MYH14: variants seen among roughly 807,000 people sequenced by gnomAD.
MYH14 encodes myosin heavy chain 14, also known as myosin-14.
MYH14 carries 123 observed loss-of-function variants against 255.5 expected under a neutral mutation model. The ratio of observed to expected loss-of-function variants is 0.48; its 90% CI spans 0.42 to 0.56. MYH14 has a LOEUF of 0.56. Among genes scored for constraint, MYH14 ranks in the 20% least tolerant of loss-of-function variants. MYH14 has a pLI of 0.00. For missense variants in MYH14, 2,423 were observed against 2,802.3 expected, an observed-to-expected ratio of 0.86 and a Z score of 3.06; for synonymous variants, 1,095 against 1,161.2, an observed-to-expected ratio of 0.94 and a Z score of 1.16.
rs1367888720 is a variant in MYH14 at position 50,210,454 on chromosome 19, C to T, written c.89C>T (p.Thr30Met). 4 of 1,548,848 alleles carry T rather than the reference C, an allele frequency of 2.6e-6. No homozygotes were observed. Among genetic ancestry groups the T allele is most frequent in the East Asian group, 2.5e-5 (1 of 40,634 alleles). ...VPEAAQPFLFTPRGPSAGGGP... is the reference protein window; with the variant it reads ...VPEAAQPFLFMPRGPSAGGGP... Reference sequence around the variant, plus strand: ...GAGGCGGCCCAGCCGTTCCTGTTCACGCCCCGCGGGCCCAGCGCGGGTGGC... The same window carrying T: ...GAGGCGGCCCAGCCGTTCCTGTTCATGCCCCGCGGGCCCAGCGCGGGTGGC... Residue 30 changes from threonine to methionine, a missense_variant, in exon 2 of 43, where the codon ACG becomes ATG. By Grantham distance (81) the Thr-to-Met change is moderately conservative. Transcript: ENST00000642316.
chr19:50,274,370 C>G (rs1384116919), intron 27 of MYH14, among the ~76,000 whole-genome samples: 1 of 152,170 alleles, frequency 6.6e-6, no homozygotes, highest in Non-Finnish European at 1.5e-5. Context: ...TCTTGCCTCA[C>G]TACATCCTCC....
intron 16 of MYH14, among the ~76,000 whole-genome samples, chr19:50,253,697 T>G (rs1190198098): frequency 6.6e-6 from 1 of 152,158 alleles, no homozygotes; most frequent in East Asian, 1.9e-4. Flanking sequence ...TAGGCAGAGA[T>G]GCCAAATGCC....
chr19:50,226,863 G>T (rs368683684), intron 7 of MYH14, 40 bp from the exon 8 acceptor site: 30 of 1,605,556 alleles, frequency 1.9e-5, no homozygotes, highest in Non-Finnish European at 2.5e-5. Flanking sequence ...GTGGGGAAGG[G>T]GACCCTCTGC....
intron 11 of MYH14, 88 bp from the exon 12 acceptor site, chr19:50,246,916 A>C: frequency 1.1e-6 from 1 of 902,672 alleles, no homozygotes; most frequent in Non-Finnish European, 1.7e-6. Flanking sequence ...TGCTCCCCCA[A>C]CAGTGTGGGA....
At position 50,272,685 on chromosome 19, in the gene MYH14, G is replaced by A. The variant is rs1333136314; in HGVS notation, c.3421G>A (p.Ala1141Thr). The change falls in exon 27 of 43, where the codon GCC (alanine) becomes ACC (threonine). Residue 1141 changes from alanine to threonine, a missense_variant. Around this residue, in one of 3 missense-constraint regions of MYH14, gnomAD observed 1,513 missense variants for 1,674.8 expected, o/e 0.90. Coordinates refer to ENST00000642316, the MANE Select transcript of MYH14 (RefSeq NM_001145809.2). ...EQQQRAEELR[A>T]QLGRKEEELQ... Reference sequence around the variant, plus strand: ...GCAACAGCGGGCAGAGGAGCTGCGGGCCCAGCTGGGCCGGAAGGAGGAGGA... The same window carrying A: ...GCAACAGCGGGCAGAGGAGCTGCGGACCCAGCTGGGCCGGAAGGAGGAGGA... The A allele has an allele frequency of 1.9e-6, 3 of 1,552,662 alleles. No homozygotes were observed. In the South Asian group the frequency reaches 3.6e-5, roughly 18 times the overall value.
At chr19:50,285,060 C>T (rs1347931224) in intron 33 of MYH14, 2 of 151,608 alleles carry the variant, frequency 1.3e-5, no homozygotes, top group African/African-American at 2.4e-5. Flanking sequence ...CCACACCTGG[C>T]TAATTTTTGT....
chr19:50,233,361 G>A (rs559294962), intron 10 of MYH14, among the ~76,000 whole-genome samples: 1 of 152,104 alleles, frequency 6.6e-6, no homozygotes, highest in East Asian at 1.9e-4. Context: ...GTAGACATGG[G>A]GTTTCACCAT....
In MYH14 at chr19:50,266,980, T is replaced by G. The variant is rs1427661340; in HGVS notation, c.2798T>G (p.Val933Gly). The G allele has an allele frequency of 1.9e-6, 3 of 1,568,028 alleles. No homozygotes were observed. Among genetic ancestry groups the G allele is most frequent in the Non-Finnish European group, 1.7e-6 (2 of 1,157,090 alleles). The change falls in exon 23 of 43, where the codon GTT becomes GGT. Residue 933 changes from valine (V) to glycine (G), a missense_variant. Physicochemically the swap from Val to Gly is moderately radical, Grantham distance 109. Coordinates refer to ENST00000642316, the MANE Select transcript of MYH14 (RefSeq NM_001145809.2). The surrounding 1 kb of genome is among the most constrained non-coding windows in gnomAD (Gnocchi z 4.1). ...CTACAGCAGCAGAGCGCCCGCGAAG[T>G]TGGGGAGCTCCAGGGCCGAGTGGCA... is the stretch of plus-strand genomic sequence containing the variant. ...QELQQQSAREVGELQGRVAQL... is the reference protein window; with the variant it reads ...QELQQQSAREGGELQGRVAQL...
intron 41 of MYH14, 110 bp downstream of exon 41, chr19:50,307,267 G>C: frequency 1.5e-6 from 1 of 670,502 alleles, no homozygotes; most frequent in Admixed American, 2.3e-5. Flanking sequence ...GCAATGTGCA[G>C]GTGCTGGACT....
At position 50,309,064 on chromosome 19, in the gene MYH14, G is replaced by A; in HGVS notation, c.5847G>A (p.Glu1949=). The A allele has an allele frequency of 1.9e-6, 3 of 1,613,856 alleles. No individual in the cohort carries two copies. The South Asian group carries it at 3.3e-5, about 18-fold the overall frequency. The change falls in exon 42 of 43, where the codon GAG becomes GAA. Residue 1949 remains glutamate (E), a synonymous_variant. Coordinates refer to ENST00000642316, the MANE Select transcript of MYH14 (RefSeq NM_001145809.2). ...AGCGGCAGCTGGAGGAGGCCGAGGA[G>A]GAGGCATCCCGGGCTCAGGCCGGCC... The part of the protein sequence containing the change: ...QLKRQLEEAE[E]EASRAQAGRR...
chr19:50,289,722 G>A (rs1236082995), intron 35 of MYH14, 74 bp downstream of exon 35: 1 of 1,371,408 alleles, frequency 7.3e-7, no homozygotes, highest in Non-Finnish European at 1.0e-6. Flanking sequence ...CAGCAAGAAG[G>A]GCAGCAAGGG....
At position 50,276,009 on chromosome 19, in the gene MYH14, G is replaced by A. The variant is rs1441046854; in HGVS notation, c.3486G>A (p.Gly1162=). 3 of 1,612,792 alleles carry A rather than the reference G, an allele frequency of 1.9e-6. No homozygotes were observed. Among genetic ancestry groups the A allele is most frequent in the Non-Finnish European group, 2.5e-6 (3 of 1,179,624 alleles). The change falls in exon 28 of 43, where the codon GGG becomes GGA. Residue 1162 remains glycine (G), a synonymous_variant. Coordinates refer to ENST00000642316, the MANE Select transcript of MYH14 (RefSeq NM_001145809.2). The surrounding 1 kb of genome is among the most constrained non-coding windows in gnomAD (Gnocchi z 4.3). ...AALARAEDEG[G]ARAQLLKSLR... is the part of the protein sequence containing the mutation. Reference sequence around the variant, plus strand: ...CCCCCAGGGCAGAAGACGAGGGTGGGGCCCGGGCCCAGCTGCTGAAATCCC... The same window carrying A: ...CCCCCAGGGCAGAAGACGAGGGTGGAGCCCGGGCCCAGCTGCTGAAATCCC...
intron 10 of MYH14, among the ~76,000 whole-genome samples, chr19:50,236,795 C>T (rs1857198386): frequency 6.6e-6 from 1 of 152,140 alleles, no homozygotes; most frequent in African/African-American, 2.4e-5. Flanking sequence ...AATCGAACAG[C>T]TTTAAGATAT....
Position 50,259,245 on chromosome 19 carries a change from C to A in MYH14, c.2334C>A (p.Leu778=), listed in dbSNP as rs190941610. Residue 778 remains leucine, a synonymous_variant, in exon 19 of 43, where the codon CTC becomes CTA. Transcript: ENST00000642316. Reference sequence around the variant, plus strand: ...GCCAGGGCTTCCCCAACCGCATCCTCTTCCAGGAGTTCCGGCAGCGGTGAG... The same window carrying A: ...GCCAGGGCTTCCCCAACCGCATCCTATTCCAGGAGTTCCGGCAGCGGTGAG... ...ICRQGFPNRI[L]FQEFRQRYEI... The A allele has an allele frequency of 8.4e-5, 134 of 1,586,638 alleles. No homozygotes were observed. The East Asian group carries it at 8.7e-4, about 10-fold the overall frequency.
chr19:50,297,131 A>G (rs2036296141), intron 39 of MYH14, among the ~76,000 whole-genome samples: 1 of 151,964 alleles, frequency 6.6e-6, no homozygotes, highest in Admixed American at 6.6e-5. Flanking sequence ...GACTACAAGC[A>G]TGCACCACCA....
chr19:50,252,841 G>C lies in MYH14; in HGVS notation c.1945+88G>C. 1.0e-6 allele frequency: 1 copy of C among 956,220 alleles called. No homozygotes were observed. The highest frequency in any genetic ancestry group is 1.6e-6 in the Non-Finnish European group (1 of 634,894). 59.2% of individuals were successfully genotyped at this position (956,220 alleles called of 1,614,324 possible). On this transcript the variant is annotated intron_variant, in intron 16 of 42. Coordinates refer to ENST00000642316, the MANE Select transcript of MYH14 (RefSeq NM_001145809.2). The surrounding 1 kb of genome is among the most constrained non-coding windows in gnomAD (Gnocchi z 4.2). Reference sequence around the variant, plus strand: ...GCGTGAGCACCTTTGTTTCAGAGGCGGAGGTCTGAACCTGAGTTTTCTGCT... The same window carrying C: ...GCGTGAGCACCTTTGTTTCAGAGGCCGAGGTCTGAACCTGAGTTTTCTGCT...
chr19:50,288,381 G>A (rs1197526365), intron 34 of MYH14, among the ~76,000 whole-genome samples: 1 of 152,158 alleles, frequency 6.6e-6, no homozygotes, highest in East Asian at 1.9e-4. Flanking sequence ...ACACAGACCT[G>A]GCCTGCAGCC....
At chr19:50,259,292 G>A (rs1404786825) in intron 19 of MYH14, 27 bp downstream of exon 19, 4 of 1,553,406 alleles carry the variant, frequency 2.6e-6, no homozygotes, top group African/African-American at 2.7e-5. Flanking sequence ...GCCCAGGCCC[G>A]GCGGAGGGGC....
chr19:50,302,638 C>G (rs948967804), intron 40 of MYH14, among the ~76,000 whole-genome samples: 1 of 151,724 alleles, frequency 6.6e-6, no homozygotes, highest in African/African-American at 2.4e-5. Flanking sequence ...CGGTGGCTCA[C>G]GCCTGTAATC....
Sources: allele counts gnomAD v4.1 joint callset (sites outside exome capture counted in the v4.1 genomes callset), GRCh38; gene constraint gnomAD v4.1.1; regional missense constraint gnomAD v4.1.1; non-coding constraint Gnocchi (gnomAD v3.1); transcripts MANE v1.5; gene names NCBI Gene and HGNC (gene_info 2026-07-23, HGNC 2026-07-21).